The following PRPF4 variants were observed in gnomAD, a reference collection of about 807,000 sequenced individuals.
PRPF4 encodes the protein pre-mRNA splicing tri-snRNP complex factor PRPF4, also known as U4/U6 small nuclear ribonucleoprotein Prp4.
In PRPF4, 14 loss-of-function variants were observed where a neutral mutation model predicts 72.2. That is an observed-to-expected ratio of 0.19 (90% confidence interval 0.13 to 0.30). The LOEUF is 0.30. Among genes scored for constraint, PRPF4 ranks in the 10% least tolerant of loss-of-function variants. The pLI is 1.00. For synonymous variants in PRPF4, 225 were observed against 232.2 expected (o/e 0.97, Z 0.28); for missense variants, 478 against 653.9 (o/e 0.73, Z 2.93).
Position 113,276,534 on chromosome 9 carries a change from C to A in PRPF4, c.28-14C>A. ...GATTAAACCTTAGTTTAATGCAGAT[C>A]TTTGATTTAGCAGGCAACCAAAACT... On this transcript the variant is annotated splice_polypyrimidine_tract_variant and intron_variant, in intron 1 of 13. Transcript: ENST00000374198. 1.2e-6 allele frequency: 2 copies of A among 1,613,998 alleles called. No individual in the cohort carries two copies. Among genetic ancestry groups the A allele is most frequent in the Non-Finnish European group, 1.7e-6 (2 of 1,179,880 alleles).
At chr9:113,291,417 C>A in intron 13 of PRPF4, 50 bp from the exon 14 acceptor site, 1 of 1,531,696 alleles carries the variant, frequency 6.5e-7, no homozygotes, top group East Asian at 2.3e-5. Flanking sequence ...TTTGTCTTCT[C>A]TTTTGAATAC....
rs1832619232 is a variant in PRPF4, at chr9:113,291,922, CTTTT to C, written c.*263_*266del. The C allele has an allele frequency of 6.9e-6, 2 of 291,232 alleles. No homozygotes were observed. The highest frequency in any genetic ancestry group is 1.3e-5 in the Non-Finnish European group (2 of 155,396). 18.0% of individuals were successfully genotyped at this position (291,232 alleles called of 1,614,324 possible). A position where few individuals can be genotyped will look rare whatever the true frequency, so the allele number is the denominator to read the frequency against. On this transcript the variant is annotated 3_prime_UTR_variant, in exon 14 of 14. Coordinates refer to ENST00000374198, the MANE Select transcript of PRPF4 (RefSeq NM_001244926.2). The stretch of plus-strand genomic sequence containing the variant: ...CTGTGTAGACATTGTTTTTATTAAT[CTTTT>C]GTTTGGCCGGGCGTGGTGGCTCACG...
chr9:113,278,849 CT>C (rs1832189911), intron 2 of PRPF4, 95 bp from the exon 3 acceptor site: 11 of 1,229,562 alleles, frequency 8.9e-6, no homozygotes, highest in Non-Finnish European at 1.3e-5. Flanking sequence ...TAGACAGTTA[CT>C]TTTCCCTCAG....
At chr9:113,287,820 G>A (rs1832493554) in intron 9 of PRPF4, among the ~76,000 whole-genome samples, 1 of 152,332 alleles carries the variant, frequency 6.6e-6, no homozygotes, top group South Asian at 2.1e-4. Flanking sequence ...CTGGGTAGCA[G>A]AATTTAATGG....
chr9:113,286,095 A>G (rs750396228), intron 7 of PRPF4, 137 bp from the exon 8 acceptor site: 7 of 997,872 alleles, frequency 7.0e-6, no homozygotes, highest in East Asian at 2.4e-5. Context: ...CCTTCTAACT[A>G]TAAGGCTTTT....
At chr9:113,280,043 CTTA>C (rs1832228450) in intron 3 of PRPF4, among the ~76,000 whole-genome samples, 1 of 152,086 alleles carries the variant, frequency 6.6e-6, no homozygotes, top group Non-Finnish European at 1.5e-5. Flanking sequence ...GGTCCTTACC[CTTA>C]TTTACTCTTC....
intron 10 of PRPF4, among the ~76,000 whole-genome samples, chr9:113,289,973 A>G (rs1320070578): frequency 6.6e-6 from 1 of 152,142 alleles, no homozygotes; most frequent in Non-Finnish European, 1.5e-5. Context: ...TAATCCCAGC[A>G]CTTTGGAAGA....
At position 113,276,717 on chromosome 9, in the gene PRPF4, T is replaced by G. The variant is rs1213886512; in HGVS notation, c.197T>G (p.Ile66Arg). Residue 66 changes from isoleucine (I) to arginine (R), a missense_variant, in exon 2 of 14, where the codon ATA becomes AGA. Physicochemically the swap from Ile to Arg is moderately conservative, Grantham distance 97 (BLOSUM62 -3). Transcript: ENST00000374198. ...KAGIEAGNIN[I>R]TSGEVFEIEE... ...GGGATCGAAGCTGGAAATATTAATA[T>G]AACCTCTGGTAAGATGCAAATTGTG... 6.2e-7 allele frequency: 1 copy of G among 1,608,190 alleles called. No homozygotes were observed. Among genetic ancestry groups the G allele is most frequent in the African/African-American group, 1.3e-5 (1 of 74,552 alleles).
intron 9 of PRPF4, 63 bp from the exon 10 acceptor site, chr9:113,288,112 G>T: frequency 6.7e-7 from 1 of 1,486,338 alleles, no homozygotes; most frequent in Non-Finnish European, 9.3e-7. Context: ...TGCACAGAAG[G>T]TAAGCAGTTT....
chr9:113,276,710 A>G lies in PRPF4; in HGVS notation c.190A>G (p.Ile64Val), dbSNP rs758189664. Residue 64 changes from isoleucine to valine, a missense_variant, in exon 2 of 14, where the codon ATT becomes GTT. Coordinates refer to ENST00000374198, the MANE Select transcript of PRPF4 (RefSeq NM_001244926.2). ...GLKAGIEAGN[I>V]NITSGEVFEI... is the part of the protein sequence containing the mutation. ...TAAAGCAGGGATCGAAGCTGGAAAT[A>G]TTAATATAACCTCTGGTAAGATGCA... is the stretch of plus-strand genomic sequence containing the variant. 5 of 1,613,208 alleles carry G rather than the reference A, an allele frequency of 3.1e-6. 1 individual carries two copies. The South Asian group carries it at 5.5e-5, about 18-fold the overall frequency.
At chr9:113,288,934 G>T (rs1832530590) in intron 10 of PRPF4, among the ~76,000 whole-genome samples, 2 of 152,122 alleles carry the variant, frequency 1.3e-5, no homozygotes, top group Admixed American at 1.3e-4. Flanking sequence ...TTTATTTTAA[G>T]TGTACAATGC....
At position 113,288,270 on chromosome 9, in the gene PRPF4, C is replaced by T; in HGVS notation, c.1022+6C>T. On this transcript the variant is annotated splice_donor_region_variant and intron_variant, in intron 10 of 13. Coordinates refer to ENST00000374198, the MANE Select transcript of PRPF4 (RefSeq NM_001244926.2). ...CGTTTCCTGGGCACCACCTGGTGAG[C>T]CATCCTGTTATTGTTTTATCCATAT... 11 of 1,613,516 alleles carry T rather than the reference C, an allele frequency of 6.8e-6. No homozygotes were observed. The highest frequency in any genetic ancestry group is 9.3e-6 in the Non-Finnish European group (11 of 1,179,476).
At chr9:113,276,463 A>C (rs1832099177) in intron 1 of PRPF4, 85 bp from the exon 2 acceptor site, 8 of 1,437,770 alleles carry the variant, frequency 5.6e-6, no homozygotes, top group Non-Finnish European at 7.8e-6. Context: ...GGACTGTGAA[A>C]CTCAGGGTGA....
chr9:113,279,978 C>T (rs1228614577), intron 3 of PRPF4, among the ~76,000 whole-genome samples: 2 of 152,142 alleles, frequency 1.3e-5, no homozygotes, highest in African/African-American at 4.8e-5. Flanking sequence ...TCCACTGTCT[C>T]ATCTACCCTT....
intron 7 of PRPF4, among the ~76,000 whole-genome samples, chr9:113,285,928 T>C (rs1428833185): frequency 1.3e-5 from 2 of 152,174 alleles, no homozygotes; most frequent in Non-Finnish European, 2.9e-5. Context: ...ACAGTATCAC[T>C]ATTAATATTC....
rs1020196264 is a variant in PRPF4 at position 113,292,401 on chromosome 9, A to T, written c.*741A>T. The stretch of plus-strand genomic sequence containing the variant: ...TGGAAGCCCTCAGGTAAAGAGGCAC[A>T]TCTCACCACTCATTGGTTAAACAAT... On this transcript the variant is annotated 3_prime_UTR_variant, in exon 14 of 14. Coordinates refer to ENST00000374198, the MANE Select transcript of PRPF4 (RefSeq NM_001244926.2). 6.6e-6 allele frequency: 1 copy of T among 152,162 alleles called. No homozygotes were observed. Among genetic ancestry groups the T allele is most frequent in the African/African-American group, 2.4e-5 (1 of 41,426 alleles). 9.4% of individuals were successfully genotyped at this position (152,162 alleles called of 1,614,324 possible).
rs145714590 is a variant in PRPF4, at chr9:113,292,453, C to T, written c.*793C>T. Reference sequence around the variant, plus strand: ...CATCATAGCGAGCACTTTTCCTTTCCCTGGAGAATGGGATGTGAAGCAGTA... The same window carrying T: ...CATCATAGCGAGCACTTTTCCTTTCTCTGGAGAATGGGATGTGAAGCAGTA... On this transcript the variant is annotated 3_prime_UTR_variant, in exon 14 of 14. Coordinates refer to ENST00000374198, the MANE Select transcript of PRPF4 (RefSeq NM_001244926.2). 2 of 152,232 alleles carry T rather than the reference C, an allele frequency of 1.3e-5. No individual in the cohort carries two copies. Among genetic ancestry groups the T allele is most frequent in the Non-Finnish European group, 2.9e-5 (2 of 68,028 alleles). 9.4% of individuals were successfully genotyped at this position (152,232 alleles called of 1,614,324 possible). A position where few individuals can be genotyped will look rare whatever the true frequency, so the allele number is the denominator to read the frequency against.
chr9:113,279,178 G>A, intron 3 of PRPF4, 47 bp downstream of exon 3: 1 of 1,519,528 alleles, frequency 6.6e-7, no homozygotes, highest in Non-Finnish European at 8.9e-7. Flanking sequence ...TAATCACAGG[G>A]TTCTACTCCA....
At chr9:113,290,046 C>T (rs1199477864) in intron 10 of PRPF4, among the ~76,000 whole-genome samples, 1 of 151,954 alleles carries the variant, frequency 6.6e-6, no homozygotes, top group Non-Finnish European at 1.5e-5. Flanking sequence ...ATAGTGAAGC[C>T]CCATCTCTAT....
Sources: allele counts gnomAD v4.1 joint callset (sites outside exome capture counted in the v4.1 genomes callset), GRCh38; gene constraint gnomAD v4.1.1; transcripts MANE v1.5; gene names NCBI Gene and HGNC (gene_info 2026-07-23, HGNC 2026-07-21).